Variants in AOPEP observed in about 807,000 individuals in gnomAD.
AOPEP encodes aminopeptidase O.
AOPEP carries 77 observed loss-of-function variants against 98.1 expected under a neutral mutation model. That is an observed-to-expected ratio of 0.78 (90% CI 0.65 to 0.95). The LOEUF is 0.95. Among genes scored for constraint, AOPEP ranks in the 40% least tolerant of loss-of-function variants. The pLI, the probability that AOPEP is intolerant of heterozygous loss-of-function variation, is 0.00. For synonymous variants in AOPEP, 346 were observed against 365.3 expected, an observed-to-expected ratio of 0.95 and a Z score of 0.60; for missense variants, 1,024 against 1,024.7, an observed-to-expected ratio of 1.00 and a Z score of 0.01.
rs1310491625 is a variant in AOPEP, at chr9:94,931,958, C to T, written c.1661+3427C>T. The T allele has an allele frequency of 8.1e-6, 9 of 1,115,230 alleles. No homozygotes were observed. In the East Asian group the frequency reaches 1.4e-4, roughly 17 times the overall value. 69.1% of individuals were successfully genotyped at this position (1,115,230 alleles called of 1,614,324 possible). A position where few individuals can be genotyped will look rare whatever the true frequency, so the allele number is the denominator to read the frequency against. The stretch of plus-strand genomic sequence containing the variant: ...CAAGGCTCAGAAAGACTGAGTAATG[C>T]GTCTAACCTCCTCTAGCTGATAAAG... On this transcript the variant is annotated intron_variant, in intron 7 of 16. Transcript: ENST00000375315.
chr9:94,996,400 G>T (rs975789476), intron 11 of AOPEP, among the ~76,000 whole-genome samples: 6 of 150,800 alleles, frequency 4.0e-5, no homozygotes, highest in Non-Finnish European at 7.4e-5. Flanking sequence ...GTGAGAGAGA[G>T]ATTTTACTTC....
chr9:94,741,507 G>A (rs1228313423), intron 1 of AOPEP, among the ~76,000 whole-genome samples: 4 of 151,970 alleles, frequency 2.6e-5, no homozygotes, highest in South Asian at 2.1e-4. Context: ...TCCTGACCTC[G>A]TCATCTGCCC....
intron 14 of AOPEP, among the ~76,000 whole-genome samples, chr9:95,066,761 T>C (rs1461490021): frequency 6.6e-6 from 1 of 152,156 alleles, no homozygotes; most frequent in African/African-American, 2.4e-5. Flanking sequence ...GGGGTCTAAA[T>C]AGCAGTGCCC....
At chr9:94,857,327 C>T (rs1160937740) in intron 5 of AOPEP, among the ~76,000 whole-genome samples, 1 of 152,156 alleles carries the variant, frequency 6.6e-6, no homozygotes, top group African/African-American at 2.4e-5. Context: ...GAATTCACCT[C>T]ATGTATGTTC....
At chr9:94,830,746 T>C (rs553112126) in intron 5 of AOPEP, among the ~76,000 whole-genome samples, 9 of 152,360 alleles carry the variant, frequency 5.9e-5, no homozygotes, top group African/African-American at 1.7e-4. Flanking sequence ...ATTGCCATTT[T>C]GACTGGTATG....
At chr9:95,013,105 G>A (rs544936676) in intron 13 of AOPEP, among the ~76,000 whole-genome samples, 11 of 151,230 alleles carry the variant, frequency 7.3e-5, no homozygotes, top group South Asian at 2.1e-4. Context: ...AGTTTGTCAC[G>A]TGACCTTTGC....
At chr9:94,917,834 G>T (rs1231491455) in intron 5 of AOPEP, among the ~76,000 whole-genome samples, 1 of 151,950 alleles carries the variant, frequency 6.6e-6, no homozygotes, top group Non-Finnish European at 1.5e-5. Flanking sequence ...GGCCTCTTTT[G>T]TAATGAGCTT....
At chr9:95,008,238 G>A (rs1042691656) in intron 13 of AOPEP, among the ~76,000 whole-genome samples, 2 of 152,166 alleles carry the variant, frequency 1.3e-5, no homozygotes, top group Non-Finnish European at 2.9e-5. Context: ...TACACCTGCA[G>A]GCTTCTCTCA....
intron 5 of AOPEP, among the ~76,000 whole-genome samples, chr9:94,891,150 A>G (rs1002731803): frequency 9.2e-5 from 14 of 152,236 alleles, no homozygotes; most frequent in Non-Finnish European, 2.1e-4. Flanking sequence ...TAGGATAGCT[A>G]TAGCTTCTTG....
At chr9:95,119,153 C>T in the AOPEP span, among the ~76,000 whole-genome samples, 7 of 152,246 alleles carry the variant, frequency 4.6e-5, no homozygotes, top group Non-Finnish European at 7.4e-5. Flanking sequence ...TGGCAAATGA[C>T]GCTGAACAGT....
At chr9:94,752,380 CACA>C (rs1564067939) in intron 1 of AOPEP, among the ~76,000 whole-genome samples, 27 of 152,188 alleles carry the variant, frequency 1.8e-4, no homozygotes, top group African/African-American at 5.5e-4. Flanking sequence ...CACACACACA[CACA>C]CACCCCACAT....
intron 2 of AOPEP, among the ~76,000 whole-genome samples, chr9:94,768,917 G>A (rs1385797909): frequency 6.6e-6 from 1 of 152,244 alleles, no homozygotes; most frequent in South Asian, 2.1e-4. Context: ...GAGCATTTTA[G>A]CAACATGGCC....
At chr9:94,899,818 C>T (rs934529205) in intron 5 of AOPEP, among the ~76,000 whole-genome samples, 14 of 151,982 alleles carry the variant, frequency 9.2e-5, no homozygotes, top group Admixed American at 2.6e-4. Flanking sequence ...GTACAGACAA[C>T]CCTTTTCAAT....
At chr9:94,766,716 A>G (rs897969774) in intron 2 of AOPEP, among the ~76,000 whole-genome samples, 3 of 152,208 alleles carry the variant, frequency 2.0e-5, no homozygotes, top group African/African-American at 7.2e-5. Context: ...AATTTATTAG[A>G]AAAACTATAG....
At chr9:95,131,958 T>C in the AOPEP span, among the ~76,000 whole-genome samples, 1 of 152,256 alleles carries the variant, frequency 6.6e-6, no homozygotes, top group East Asian at 1.9e-4. Context: ...AGATGCTTTT[T>C]ATTCTTAAGT....
Position 95,035,507 on chromosome 9 carries a change from ATTTTTTTTTT to A in AOPEP, c.2116-25168_2116-25159del, listed in dbSNP as rs542840000. On this transcript the variant is annotated intron_variant, in intron 13 of 16. Coordinates refer to ENST00000375315, the MANE Select transcript of AOPEP (RefSeq NM_001193329.3). ...ATCTCTTTGACACCAGCTTCAGATA[ATTTTTTTTTT>A]TTTTTTTTTTTTTTTTTTGAGACGG... Among the ~76,000 whole-genome samples the A allele has an allele frequency of 9.0e-3, 615 of 67,994 alleles. 1 individual carries two copies. Among genetic ancestry groups the A allele is most frequent in the Admixed American group, 0.02 (85 of 4,338 alleles). 44.6% of individuals were successfully genotyped at this position (67,994 alleles called of 152,430 possible).
At chr9:94,812,156 C>T (rs1310797191) in intron 5 of AOPEP, among the ~76,000 whole-genome samples, 3 of 152,032 alleles carry the variant, frequency 2.0e-5, no homozygotes, top group East Asian at 3.9e-4. Context: ...GTTCTTAGGA[C>T]CACGTGCACA....
At chr9:95,110,040 C>T in the AOPEP span, among the ~76,000 whole-genome samples, 1 of 152,204 alleles carries the variant, frequency 6.6e-6, no homozygotes, top group Non-Finnish European at 1.5e-5. Context: ...GGCAGATGGG[C>T]ACCTGTGACA....
chr9:95,149,330 TG>T, the AOPEP span, among the ~76,000 whole-genome samples: 1 of 152,080 alleles, frequency 6.6e-6, no homozygotes, highest in Non-Finnish European at 1.5e-5. Context: ...AGGTAACTAC[TG>T]GGGACTGAGC....
Sources: gnomAD v4.1 joint callset for allele counts (sites outside exome capture counted in the v4.1 genomes callset) on GRCh38, gnomAD v4.1.1 for gene constraint, MANE v1.5 for transcripts, NCBI Gene and HGNC (gene_info 2026-07-23, HGNC 2026-07-21) for gene names.